ZNF469: variants seen among roughly 807,000 people sequenced by gnomAD.
ZNF469 encodes zinc finger protein 469.
ZNF469 carries 1 observed loss-of-function variant against 1.0 expected under a neutral mutation model. That is an observed-to-expected ratio of 1.00 (90% CI 0.35 to 4.73). The LOEUF (loss-of-function observed/expected upper bound fraction) is 4.73. Ranked by LOEUF, ZNF469 falls within the 30% of genes most tolerant of loss-of-function variation. The probability of loss-of-function intolerance (pLI) is 0.16; values close to 1 mark genes in which losing one functional copy is unlikely to be tolerated. For missense variants in ZNF469, 6,100 were observed against 5,356.3 expected (o/e 1.14, Z -4.33); for synonymous variants, 2,703 against 2,363.4 (o/e 1.14, Z -4.17).
the ZNF469 span, among the ~76,000 whole-genome samples, chr16:88,162,502 T>C: frequency 6.6e-6 from 1 of 152,214 alleles, no homozygotes; most frequent in Non-Finnish European, 1.5e-5. Flanking sequence ...AAGGATTTTA[T>C]AAAAAACATT....
chr16:88,110,252 C>T, the ZNF469 span, among the ~76,000 whole-genome samples: 1,144 of 152,324 alleles, frequency 7.5e-3, 12 homozygotes, highest in African/African-American at 0.025. Flanking sequence ...CCCGGGGGGC[C>T]GCCTCCTGGG....
At chr16:88,352,046 G>A in the ZNF469 span, among the ~76,000 whole-genome samples, 1 of 152,192 alleles carries the variant, frequency 6.6e-6, no homozygotes, top group African/African-American at 2.4e-5. Flanking sequence ...GCCACACATG[G>A]TGGGATTCCG....
chr16:88,249,429 CTTTT>C, the ZNF469 span, among the ~76,000 whole-genome samples: 4 of 63,640 alleles, frequency 6.3e-5, no homozygotes, highest in African/African-American at 8.5e-5. Flanking sequence ...TTTTCTTTTT[CTTTT>C]TTTTTTTTTT....
chr16:88,158,546 C>T, the ZNF469 span, among the ~76,000 whole-genome samples: 1 of 79,018 alleles, frequency 1.3e-5, no homozygotes, highest in East Asian at 3.6e-4. Flanking sequence ...AGAAGCCTGG[C>T]CTCATCTCTG....
At chr16:88,359,969 T>C in the ZNF469 span, among the ~76,000 whole-genome samples, 1 of 152,256 alleles carries the variant, frequency 6.6e-6, no homozygotes, top group African/African-American at 2.4e-5. Flanking sequence ...CTTCAACATG[T>C]ACATCATTAA....
chr16:88,117,939 G>A, the ZNF469 span, among the ~76,000 whole-genome samples: 1 of 152,208 alleles, frequency 6.6e-6, no homozygotes, highest in Non-Finnish European at 1.5e-5. Context: ...GCCATACTGT[G>A]ATTTTATTTC....
chr16:88,210,892 C>A, the ZNF469 span, among the ~76,000 whole-genome samples: 6 of 152,300 alleles, frequency 3.9e-5, no homozygotes, highest in East Asian at 1.2e-3. Flanking sequence ...ACTGTGCTAA[C>A]GTGTTTATTT....
chr16:88,166,336 A>T, the ZNF469 span, among the ~76,000 whole-genome samples: 1 of 152,100 alleles, frequency 6.6e-6, no homozygotes, highest in Non-Finnish European at 1.5e-5. The surrounding 1 kb of genome is among the most constrained non-coding windows in gnomAD (Gnocchi z 4.5). Context: ...TTCAGAAAAC[A>T]ACTGTGGACG....
chr16:88,169,283 GCT>G, the ZNF469 span, among the ~76,000 whole-genome samples: 2 of 152,208 alleles, frequency 1.3e-5, no homozygotes, highest in African/African-American at 4.8e-5. This position sits in a 1 kb window ranked among gnomAD's most constrained non-coding sequence, Gnocchi z 6.1. Context: ...TTCAATTGCT[GCT>G]CTCTGAGTTT....
the ZNF469 span, among the ~76,000 whole-genome samples, chr16:88,250,542 A>G: frequency 6.6e-6 from 1 of 152,118 alleles, no homozygotes; most frequent in African/African-American, 2.4e-5. Context: ...GGGAAGTTTT[A>G]TGTCATTTCT....
the ZNF469 span, among the ~76,000 whole-genome samples, chr16:88,292,746 C>G: frequency 6.8e-6 from 1 of 146,174 alleles, no homozygotes; most frequent in Non-Finnish European, 1.5e-5. Context: ...GCTCTCCAGA[C>G]TCTGCCCTGA....
chr16:88,340,645 T>C, the ZNF469 span, among the ~76,000 whole-genome samples: 402 of 151,784 alleles, frequency 2.6e-3, 2 homozygotes, highest in African/African-American at 9.2e-3. Flanking sequence ...GGAACAACAG[T>C]GCAGGGCGGC....
the ZNF469 span, among the ~76,000 whole-genome samples, chr16:88,160,698 G>C: frequency 0.25 from 38,733 of 152,060 alleles, 5,940 homozygotes; most frequent in East Asian, 0.49. Flanking sequence ...TTAGGGTTGA[G>C]GCACTGCTGT....
At chr16:88,380,936 TCA>T (rs201872285), upstream of ZNF469, among the ~76,000 whole-genome samples, 19 of 59,582 alleles carry the variant, frequency 3.2e-4, 2 homozygotes, top group South Asian at 6.0e-4. Flanking sequence ...AGACACGCAC[TCA>T]CACACAGACA....
At chr16:88,336,215 C>T in the ZNF469 span, among the ~76,000 whole-genome samples, 1 of 151,124 alleles carries the variant, frequency 6.6e-6, no homozygotes, top group Non-Finnish European at 1.5e-5. Context: ...ACGCCAATAC[C>T]ACGCACGTTC....
chr16:88,211,038 G>A, the ZNF469 span, among the ~76,000 whole-genome samples: 1 of 152,272 alleles, frequency 6.6e-6, no homozygotes, highest in African/African-American at 2.4e-5. Context: ...CCAGGAACAG[G>A]AGATGCCTTC....
rs1906348791 is a variant in ZNF469 at position 88,433,526 on chromosome 16, A to G, written c.6056A>G (p.Asn2019Ser). ...GGCACGGACAACCACGCCTCAGTCA[A>G]TGCCAGTCCCAAAACAGCGCTGACC... The part of the protein sequence containing the change: ...PGGTDNHASV[N>S]ASPKTALTGP... The change falls in exon 3 of 3, where the codon AAT becomes AGT. Residue 2019 changes from asparagine (N) to serine (S), a missense_variant. Physicochemically the swap from Asn to Ser is conservative, Grantham distance 46. Transcript: ENST00000565624. 1 of 1,550,298 alleles carries G rather than the reference A, an allele frequency of 6.5e-7. No individual in the cohort carries two copies. The highest frequency in any genetic ancestry group is 8.7e-7 in the Non-Finnish European group (1 of 1,146,874).
At chr16:88,155,361 C>T in the ZNF469 span, among the ~76,000 whole-genome samples, 1 of 152,242 alleles carries the variant, frequency 6.6e-6, no homozygotes, top group African/African-American at 2.4e-5. Context: ...GTGTACAAGT[C>T]AGTGATGACT....
chr16:88,405,596 C>A (rs1361825807), intron 1 of ZNF469, among the ~76,000 whole-genome samples: 1 of 152,182 alleles, frequency 6.6e-6, no homozygotes, highest in Non-Finnish European at 1.5e-5. Context: ...CACAGGTCCC[C>A]AGGGAAGTGA....
Sources: gnomAD v4.1 joint callset for allele counts (sites outside exome capture counted in the v4.1 genomes callset) on GRCh38, gnomAD v4.1.1 for gene constraint, Gnocchi (gnomAD v3.1) non-coding constraint, MANE v1.5 for transcripts, NCBI Gene and HGNC (gene_info 2026-07-23, HGNC 2026-07-21) for gene names.